The following SAMD3 variants were observed in gnomAD, a reference collection of about 807,000 sequenced individuals.
SAMD3 encodes the protein sterile alpha motif domain containing 3.
SAMD3 carries 63 observed loss-of-function variants against 58.5 expected under a neutral mutation model. That is an observed-to-expected ratio of 1.08 (90% confidence interval 0.88 to 1.33). The LOEUF (loss-of-function observed/expected upper bound fraction) is 1.33. Ranked by LOEUF, SAMD3 falls within the 40% of genes most tolerant of loss-of-function variation. SAMD3 has a pLI of 0.00. For missense variants in SAMD3, 604 were observed against 608.4 expected (o/e 0.99, Z 0.08); for synonymous variants, 220 against 210.3 (o/e 1.05, Z -0.40).
intron 9 of SAMD3, among the ~76,000 whole-genome samples, chr6:130,154,178 G>T (rs914502121): frequency 6.7e-6 from 1 of 148,614 alleles, no homozygotes; most frequent in Non-Finnish European, 1.5e-5. Flanking sequence ...CAATGACAGA[G>T]AACTCTTTAG....
chr6:130,178,035 C>T (rs575595638), intron 7 of SAMD3, among the ~76,000 whole-genome samples: 29 of 151,786 alleles, frequency 1.9e-4, no homozygotes, highest in Non-Finnish European at 3.1e-4. Flanking sequence ...AGTGCAATGG[C>T]GCAATCTTGG....
In SAMD3 at chr6:130,175,983, T is replaced by A; in HGVS notation, c.680A>T (p.Asp227Val). The change falls in exon 8 of 12, where the codon GAT becomes GTT. Residue 227 changes from aspartate (D) to valine (V), a missense_variant. Physicochemically the swap from Asp to Val is radical, Grantham distance 152. Transcript: ENST00000439090. ...GGGTCTTCGAACATATTTAAAGCGA[T>A]CTTTGAGGGCTCGTTTCCATAAAAA... ...GFFLWKRALK[D>V]RFKYVRRPIE... 1 of 1,613,084 alleles carries A rather than the reference T, an allele frequency of 6.2e-7. No individual in the cohort carries two copies. Among genetic ancestry groups the A allele is most frequent in the Non-Finnish European group, 8.5e-7 (1 of 1,179,668 alleles).
chr6:130,331,261 TC>T (rs1776923924), intron 1 of SAMD3, among the ~76,000 whole-genome samples: 1 of 152,094 alleles, frequency 6.6e-6, no homozygotes, highest in Admixed American at 6.6e-5. Flanking sequence ...TTCTGTACAA[TC>T]CAATAATACA....
chr6:130,362,780 T>C (rs973077465), intron 1 of SAMD3, among the ~76,000 whole-genome samples: 1 of 152,150 alleles, frequency 6.6e-6, no homozygotes, highest in Admixed American at 6.5e-5. Context: ...CTGAGAGGGG[T>C]TAGCACTGTT....
intron 1 of SAMD3, among the ~76,000 whole-genome samples, chr6:130,317,584 TGA>T (rs1009461276): frequency 2.6e-5 from 4 of 152,238 alleles, no homozygotes; most frequent in African/African-American, 9.6e-5. Flanking sequence ...ACTTAAAGGA[TGA>T]GTTGTTTTTG....
At position 130,329,575 on chromosome 6, in the gene SAMD3, A is replaced by G. The variant is rs1326274243; in HGVS notation, c.-303-16482T>C. On this transcript the variant is annotated intron_variant, in intron 1 of 13. Coordinates refer to the SAMD3 transcript ENST00000368134. ...CAATCTCATTACCGGGTATATACCC[A>G]AAGGATTATAAATCATTCTACTATA... Among the ~76,000 whole-genome samples the G allele has an allele frequency of 3.3e-5, 5 of 152,212 alleles. No individual in the cohort carries two copies. In the East Asian group the frequency reaches 9.6e-4, roughly 29 times the overall value.
chr6:130,328,036 C>G (rs1039406724), intron 1 of SAMD3, among the ~76,000 whole-genome samples: 67 of 152,266 alleles, frequency 4.4e-4, no homozygotes, highest in African/African-American at 1.5e-3. Context: ...CCATTCTACC[C>G]CTACCTGTAG....
chr6:130,194,361 CA>C (rs1406680828), intron 5 of SAMD3, among the ~76,000 whole-genome samples: 1 of 152,218 alleles, frequency 6.6e-6, no homozygotes, highest in African/African-American at 2.4e-5. Flanking sequence ...GTCTTATTCT[CA>C]ATATACATTT....
intron 2 of SAMD3, among the ~76,000 whole-genome samples, chr6:130,265,860 CTTAA>C (rs1205963907): frequency 4.6e-5 from 7 of 152,072 alleles, no homozygotes; most frequent in African/African-American, 9.7e-5. Flanking sequence ...ATGTGGTTCT[CTTAA>C]TTAAGAAAGA....
intron 5 of SAMD3, among the ~76,000 whole-genome samples, chr6:130,190,104 G>A: frequency 6.6e-6 from 1 of 151,722 alleles, no homozygotes; most frequent in East Asian, 1.9e-4. Flanking sequence ...CAAATCTCTG[G>A]ATGATCCTGA....
At position 130,207,557 on chromosome 6, in the gene SAMD3, G is replaced by T. The variant is rs145923013; in HGVS notation, c.383+1938C>A. ...CATTTAGCAGCTTCGTGTTGGAAGG[G>T]GTAGTTGAGAGCTCATGGCTTACTA... On this transcript the variant is annotated intron_variant, in intron 5 of 11. Transcript: ENST00000439090. Among the ~76,000 whole-genome samples the T allele has an allele frequency of 3.9e-3, 597 of 152,264 alleles. 8 individuals carry two copies. Among genetic ancestry groups the T allele is most frequent in the African/African-American group, 0.013 (559 of 41,540 alleles).
intron 1 of SAMD3, among the ~76,000 whole-genome samples, chr6:130,316,288 TAAA>T (rs777240578): frequency 0.012 from 941 of 80,290 alleles, 14 homozygotes; most frequent in African/African-American, 0.042. Context: ...AAGGCTGTCT[TAAA>T]AAAAAAAAAA....
At chr6:130,267,725 T>C (rs1344537339) in intron 2 of SAMD3, among the ~76,000 whole-genome samples, 1 of 152,106 alleles carries the variant, frequency 6.6e-6, no homozygotes, top group Non-Finnish European at 1.5e-5. Flanking sequence ...TTCCAGACAT[T>C]GTATAGAAAG....
intron 2 of SAMD3, among the ~76,000 whole-genome samples, chr6:130,265,142 T>C (rs529653337): frequency 6.6e-6 from 1 of 152,252 alleles, no homozygotes; most frequent in African/African-American, 2.4e-5. Flanking sequence ...TCTATGAAAA[T>C]CCCCGCATAA....
chr6:130,331,776 G>C (rs1427283750), intron 1 of SAMD3, among the ~76,000 whole-genome samples: 1 of 152,172 alleles, frequency 6.6e-6, no homozygotes, highest in Non-Finnish European at 1.5e-5. Flanking sequence ...ATGCTAACTA[G>C]TTTTAAAAAT....
At chr6:130,267,969 C>T (rs1774421725) in intron 2 of SAMD3, among the ~76,000 whole-genome samples, 1 of 152,162 alleles carries the variant, frequency 6.6e-6, no homozygotes, top group African/African-American at 2.4e-5. Flanking sequence ...CATCCTGCTA[C>T]AAAAGCATGG....
chr6:130,318,002 T>C (rs1043384716), intron 1 of SAMD3, among the ~76,000 whole-genome samples: 2 of 152,216 alleles, frequency 1.3e-5, no homozygotes, highest in African/African-American at 2.4e-5. Context: ...GATTGAAAAC[T>C]ACGCAGACCT....
chr6:130,194,809 C>A (rs1793929932), intron 5 of SAMD3, among the ~76,000 whole-genome samples: 1 of 152,224 alleles, frequency 6.6e-6, no homozygotes, highest in African/African-American at 2.4e-5. Context: ...GGCTTAGCAG[C>A]TGAAGACTGA....
intron 5 of SAMD3, among the ~76,000 whole-genome samples, chr6:130,208,561 A>G (rs909311758): frequency 2.0e-5 from 3 of 152,008 alleles, no homozygotes; most frequent in Non-Finnish European, 2.9e-5. Flanking sequence ...AGGAGCACAA[A>G]CCCTACTGTG....
Sources: gnomAD v4.1 joint callset for allele counts (sites outside exome capture counted in the v4.1 genomes callset) on GRCh38, gnomAD v4.1.1 for gene constraint, MANE v1.5 for transcripts, NCBI Gene and HGNC (gene_info 2026-07-23, HGNC 2026-07-21) for gene names.